The following REV3L variants were observed in gnomAD, a reference collection of about 807,000 sequenced individuals.
REV3L encodes the protein REV3 like, DNA directed polymerase zeta catalytic subunit, also known as DNA polymerase zeta catalytic subunit.
A neutral mutation model predicts 299.4 loss-of-function variants in REV3L; 69 were observed. The ratio of observed to expected loss-of-function variants is 0.23; its 90% CI spans 0.19 to 0.28. The LOEUF (loss-of-function observed/expected upper bound fraction) is 0.28. Among genes scored for constraint, REV3L ranks in the 10% least tolerant of loss-of-function variants. The pLI, the probability that REV3L is intolerant of heterozygous loss-of-function variation, is 1.00. For missense variants in REV3L, 3,128 were observed against 3,693.8 expected (o/e 0.85, Z 3.97); for synonymous variants, 1,238 against 1,271.4 (o/e 0.97, Z 0.56).
At chr6:111,348,977 A>T in intron 20 of REV3L, 1 of 297,284 alleles carries the variant, frequency 3.4e-6, no homozygotes. Context: ...ATAGCTATAG[A>T]CCTTTCTAGT....
intron 4 of REV3L, among the ~76,000 whole-genome samples, chr6:111,396,141 C>G (rs1782478950): frequency 6.6e-6 from 1 of 152,012 alleles, no homozygotes; most frequent in Admixed American, 6.5e-5. Flanking sequence ...ATCCTCCTAC[C>G]TAAGTCTCCC....
intron 26 of REV3L, among the ~76,000 whole-genome samples, chr6:111,321,984 A>G (rs1008510371): frequency 1.3e-5 from 2 of 152,184 alleles, no homozygotes; most frequent in African/African-American, 4.8e-5. Flanking sequence ...AGCTGGTGTT[A>G]ATAACTTACA....
intron 1 of REV3L, among the ~76,000 whole-genome samples, chr6:111,446,006 T>G (rs927005348): frequency 6.6e-6 from 1 of 152,162 alleles, no homozygotes; most frequent in African/African-American, 2.4e-5. Flanking sequence ...GGAGACAGAC[T>G]GAGGAAGTCC....
intron 20 of REV3L, among the ~76,000 whole-genome samples, chr6:111,346,691 A>T (rs1777065152): frequency 1.3e-5 from 2 of 152,190 alleles, no homozygotes. Context: ...TAACTTTCTT[A>T]CAGTTGTTTC....
rs756012966 is a variant in REV3L, at chr6:111,416,382, G to A, written c.230C>T (p.Ser77Phe). The change falls in exon 2 of 32, where the codon TCT (serine) becomes TTT (phenylalanine). Residue 77 changes from serine to phenylalanine, a missense_variant. Coordinates refer to ENST00000368802, the MANE Select transcript of REV3L (RefSeq NM_001372078.1). ...TCTGTCGATACTGAATGCCATCTGAGAAAGATAGCTTTCTGGCTGCTGTCC... is the reference window on the plus strand; with the variant it reads ...TCTGTCGATACTGAATGCCATCTGAAAAAGATAGCTTTCTGGCTGCTGTCC... Reference protein sequence around the residue: ...GYGQQPESYLSQMAFSIDRAL... With the variant: ...GYGQQPESYLFQMAFSIDRAL... 1 of 1,613,748 alleles carries A rather than the reference G, an allele frequency of 6.2e-7. No individual in the cohort carries two copies. The highest frequency in any genetic ancestry group is 1.1e-5 in the South Asian group (1 of 91,028).
chr6:111,428,335 T>G (rs1419861971), intron 1 of REV3L, among the ~76,000 whole-genome samples: 1 of 152,012 alleles, frequency 6.6e-6, no homozygotes, highest in East Asian at 1.9e-4. Context: ...ATTAAGAAAT[T>G]TATTAGAGAA....
rs779231219 is a variant in REV3L, at chr6:111,390,082, G to A, written c.757+4C>T. ...ACATATATTAAGAATAATTGTGTAT[G>A]AACCTTCAATGTCCAGACGATTTAA... is the stretch of plus-strand genomic sequence containing the variant. On this transcript the variant is annotated splice_donor_region_variant and intron_variant, in intron 6 of 31. Coordinates refer to ENST00000368802, the MANE Select transcript of REV3L (RefSeq NM_001372078.1). 3.8e-6 allele frequency: 6 copies of A among 1,575,670 alleles called. No individual in the cohort carries two copies. The highest frequency in any genetic ancestry group is 5.2e-6 in the Non-Finnish European group (6 of 1,145,748).
chr6:111,356,112 T>C (rs1222304983), intron 18 of REV3L, among the ~76,000 whole-genome samples: 4 of 152,174 alleles, frequency 2.6e-5, no homozygotes, highest in Admixed American at 2.6e-4. Context: ...AATACTGATT[T>C]AGTTTTTATA....
At chr6:111,305,881 G>A (rs1048772052) in intron 31 of REV3L, among the ~76,000 whole-genome samples, 1 of 152,136 alleles carries the variant, frequency 6.6e-6, no homozygotes, top group Admixed American at 6.6e-5. Flanking sequence ...TAGAAGCTGG[G>A]AGCACCCAGT....
chr6:111,377,127 T>C (rs1014147923), intron 12 of REV3L, among the ~76,000 whole-genome samples: 1 of 152,172 alleles, frequency 6.6e-6, no homozygotes, highest in Non-Finnish European at 1.5e-5. Context: ...ACAACAAACA[T>C]TAAAGTTTTC....
chr6:111,431,411 T>C, intron 1 of REV3L: 1 of 992,368 alleles, frequency 1.0e-6, no homozygotes, highest in Non-Finnish European at 1.6e-6. Flanking sequence ...ACTTTGGCGT[T>C]CCGGTTAAAG....
chr6:111,463,256 G>A (rs1791010516), intron 1 of REV3L, among the ~76,000 whole-genome samples: 1 of 152,162 alleles, frequency 6.6e-6, no homozygotes, highest in Non-Finnish European at 1.5e-5. Context: ...AAGCAATGGT[G>A]CTCGGTTATA....
Position 111,392,114 on chromosome 6 carries a change from T to A in REV3L, c.662+762A>T, listed in dbSNP as rs147508860. Among the ~76,000 whole-genome samples, 3 of 152,348 alleles carry A rather than the reference T, an allele frequency of 2.0e-5. 1 individual carries two copies. The highest frequency in any genetic ancestry group is 7.2e-5 in the African/African-American group (3 of 41,588). ...AAAAAGTTTTATAATTTGAAATAAT[T>A]ATGTTGTAAATGTCAAGGATGAATA... is the stretch of plus-strand genomic sequence containing the variant. On this transcript the variant is annotated intron_variant, in intron 5 of 31. Transcript: ENST00000368802.
intron 25 of REV3L, among the ~76,000 whole-genome samples, chr6:111,328,913 A>G (rs866187834): frequency 6.6e-6 from 1 of 152,080 alleles, no homozygotes; most frequent in Non-Finnish European, 1.5e-5. Flanking sequence ...CCACAGGCAC[A>G]TAACACTATG....
At chr6:111,399,454 T>C (rs990625475) in intron 4 of REV3L, among the ~76,000 whole-genome samples, 1 of 152,194 alleles carries the variant, frequency 6.6e-6, no homozygotes, top group Non-Finnish European at 1.5e-5. Context: ...AAACCTTTTA[T>C]TTGAATGTCA....
rs568749526 is a variant in REV3L, at chr6:111,335,634, T to G, written c.7539-24A>C. On this transcript the variant is annotated intron_variant, in intron 21 of 31. Transcript: ENST00000368802. ...ATCTGTTAAAAAAGAATCCACATTA[T>G]GAACATCAGGGAAAAATTTGGACAC... 15 of 1,588,352 alleles carry G rather than the reference T, an allele frequency of 9.4e-6. No individual in the cohort carries two copies. The South Asian group carries it at 1.5e-4, about 16-fold the overall frequency.
rs745366313 is a variant in REV3L at position 111,380,002 on chromosome 6, T to C, written c.1434A>G (p.Glu478=). The part of the protein sequence containing the change: ...VMSQRWDSNI[E]EHCAKKRSLC... ...ATTACCTCTTTTTGGCACAATGTTC[T>C]TCAATATTGCTGTCCCATCTCTGGG... is the stretch of plus-strand genomic sequence containing the variant. The change falls in exon 11 of 32, where the codon GAA becomes GAG. Residue 478 remains glutamate, a synonymous_variant. Transcript: ENST00000368802. 25 of 1,612,158 alleles carry C rather than the reference T, an allele frequency of 1.6e-5. No individual in the cohort carries two copies. The highest frequency in any genetic ancestry group is 1.7e-4 in the Middle Eastern group (1 of 6,050).
At position 111,470,855 on chromosome 6, in the gene REV3L, C is replaced by T. The variant is rs148822849; in HGVS notation, c.139+11895G>A. On this transcript the variant is annotated intron_variant, in intron 1 of 31. Transcript: ENST00000368802. ...AGTAGCCGGGTGTGGTGGCACGTGGCTGTAATTCCAGCTACTTGGGAGGCT... is the reference window on the plus strand; with the variant it reads ...AGTAGCCGGGTGTGGTGGCACGTGGTTGTAATTCCAGCTACTTGGGAGGCT... 4.6e-5 allele frequency among the ~76,000 whole-genome samples: 7 copies of T among 152,178 alleles called. No homozygotes were observed. The East Asian group carries it at 1.4e-3, about 29-fold the overall frequency.
intron 4 of REV3L, among the ~76,000 whole-genome samples, chr6:111,401,492 A>G (rs1023202032): frequency 7.2e-5 from 11 of 152,258 alleles, no homozygotes; most frequent in African/African-American, 2.4e-4. Flanking sequence ...TACAGAGAAG[A>G]TAAGAAAAAC....
Sources: allele counts gnomAD v4.1 joint callset (sites outside exome capture counted in the v4.1 genomes callset), GRCh38; gene constraint gnomAD v4.1.1; transcripts MANE v1.5; gene names NCBI Gene and HGNC (gene_info 2026-07-23, HGNC 2026-07-21).